CPHXL2: variants seen among roughly 807,000 people sequenced by gnomAD.
CPHXL2 encodes cytoplasmic polyadenylated homeobox like 2, also known as cytoplasmic polyadenylated homeobox-like protein 2.
chr16:75,671,195 C>A, the CPHXL2 span, among the ~76,000 whole-genome samples: 1 of 152,004 alleles, frequency 6.6e-6, no homozygotes, highest in Non-Finnish European at 1.5e-5. Flanking sequence ...ATAGCCTGGC[C>A]AACATGAAAC....
chr16:75,669,774 GT>G, the CPHXL2 span, among the ~76,000 whole-genome samples: 1 of 152,080 alleles, frequency 6.6e-6, no homozygotes, highest in African/African-American at 2.4e-5. Flanking sequence ...TGTAAATAGA[GT>G]TTTTTTGAAA....
the CPHXL2 span, among the ~76,000 whole-genome samples, chr16:75,671,010 A>G: frequency 4.6e-5 from 7 of 152,008 alleles, no homozygotes; most frequent in East Asian, 5.8e-4. Flanking sequence ...GATCCCCTTG[A>G]TTCACTCCCT....
At chr16:75,662,221 G>A in the CPHXL2 span, among the ~76,000 whole-genome samples, 7 of 152,048 alleles carry the variant, frequency 4.6e-5, no homozygotes, top group African/African-American at 9.7e-5. Context: ...TGGGGGAAGG[G>A]GTGCAGAGCT....
the CPHXL2 span, among the ~76,000 whole-genome samples, chr16:75,670,550 C>T: frequency 1.3e-5 from 2 of 152,214 alleles, no homozygotes; most frequent in Non-Finnish European, 2.9e-5. Flanking sequence ...TCACTGTCGC[C>T]GAGGCTGGAG....
the CPHXL2 span, among the ~76,000 whole-genome samples, chr16:75,664,081 C>T: frequency 5.9e-5 from 9 of 152,284 alleles, no homozygotes; most frequent in Non-Finnish European, 1.3e-4. Context: ...ATCAGAAAAT[C>T]TCTGAATCTG....
At chr16:75,670,581 T>C in the CPHXL2 span, among the ~76,000 whole-genome samples, 8 of 152,200 alleles carry the variant, frequency 5.3e-5, no homozygotes, top group East Asian at 1.9e-4. Context: ...CTATCTCTAT[T>C]TACTGCAACG....
At chr16:75,670,502 TAA>T in the CPHXL2 span, among the ~76,000 whole-genome samples, 3 of 152,310 alleles carry the variant, frequency 2.0e-5, no homozygotes, top group South Asian at 6.2e-4. Flanking sequence ...ATATTTCAGT[TAA>T]AAGTTTATTG....
the CPHXL2 span, among the ~76,000 whole-genome samples, chr16:75,670,337 C>A: frequency 2.5e-4 from 38 of 152,240 alleles, no homozygotes; most frequent in Admixed American, 4.6e-4. Context: ...ACTGAGGGAA[C>A]GGAATCGGAG....
the CPHXL2 span, among the ~76,000 whole-genome samples, chr16:75,673,489 A>T: frequency 6.6e-6 from 1 of 152,060 alleles, no homozygotes; most frequent in Non-Finnish European, 1.5e-5. Context: ...TGACTTGGAG[A>T]TATCAGTTTA....
At chr16:75,662,387 A>C in the CPHXL2 span, among the ~76,000 whole-genome samples, 1 of 150,070 alleles carries the variant, frequency 6.7e-6, no homozygotes, top group Non-Finnish European at 1.5e-5. Flanking sequence ...TGATTGATTA[A>C]ACCATCGACT....
chr16:75,669,977 C>T, the CPHXL2 span, among the ~76,000 whole-genome samples: 1 of 152,124 alleles, frequency 6.6e-6, no homozygotes, highest in East Asian at 1.9e-4. Flanking sequence ...TGCAGTGGTG[C>T]GATCTTGGCT....
chr16:75,661,744 G>A, the CPHXL2 span, among the ~76,000 whole-genome samples: 1 of 151,920 alleles, frequency 6.6e-6, no homozygotes, highest in Non-Finnish European at 1.5e-5. Context: ...ACATACATTG[G>A]GTTCAAGTTT....
chr16:75,670,357 G>C, the CPHXL2 span, among the ~76,000 whole-genome samples: 2 of 152,208 alleles, frequency 1.3e-5, no homozygotes, highest in African/African-American at 2.4e-5. Flanking sequence ...GCCTGAAAGG[G>C]AGAGAACAGA....
At chr16:75,665,774 A>T in the CPHXL2 span, among the ~76,000 whole-genome samples, 2 of 152,160 alleles carry the variant, frequency 1.3e-5, no homozygotes, top group Non-Finnish European at 2.9e-5. Flanking sequence ...GAGACAGGAG[A>T]TAATCACTGG....
chr16:75,667,126 A>G, the CPHXL2 span, among the ~76,000 whole-genome samples: 6 of 152,108 alleles, frequency 3.9e-5, no homozygotes, highest in East Asian at 7.7e-4. Context: ...AGCCTGGCCA[A>G]TATGGTGAAA....
At chr16:75,668,123 C>A in the CPHXL2 span, among the ~76,000 whole-genome samples, 1 of 152,064 alleles carries the variant, frequency 6.6e-6, no homozygotes, top group African/African-American at 2.4e-5. Flanking sequence ...CAATACATAC[C>A]CACTGTATTT....
the CPHXL2 span, among the ~76,000 whole-genome samples, chr16:75,662,573 C>G: frequency 1.3e-5 from 2 of 152,042 alleles, no homozygotes; most frequent in East Asian, 3.9e-4. Context: ...TTTGGAGATT[C>G]TAAGTATTTT....
the CPHXL2 span, among the ~76,000 whole-genome samples, chr16:75,666,230 T>A: frequency 6.6e-6 from 1 of 152,194 alleles, no homozygotes; most frequent in Middle Eastern, 3.4e-3. Flanking sequence ...CAGGAAAATA[T>A]CACAATCCTA....
the CPHXL2 span, chr16:75,660,476 C>G: frequency 2.5e-6 from 1 of 398,528 alleles, no homozygotes; most frequent in Non-Finnish European, 4.4e-6. Flanking sequence ...GACTCTGCAG[C>G]TGTGACTGAG....
Sources: gnomAD v4.1 joint callset for allele counts (sites outside exome capture counted in the v4.1 genomes callset) on GRCh38, gnomAD v4.1.1 for gene constraint, MANE v1.5 for transcripts, NCBI Gene and HGNC (gene_info 2026-07-23, HGNC 2026-07-21) for gene names.